Variants in ADCY9 observed in about 807,000 individuals in gnomAD.
ADCY9 encodes adenylate cyclase 9, also known as adenylate cyclase type 9.
Under a neutral mutation model 101.5 loss-of-function variants are expected in ADCY9, and 50 were observed. The observed-to-expected ratio is 0.49, with a 90% CI of 0.39 to 0.62. The LOEUF is 0.62. Ranked by LOEUF, ADCY9 falls within the 20% of genes least tolerant of loss-of-function variation. The pLI is 0.00. For missense variants in ADCY9, 1,662 were observed against 1,800.4 expected (o/e 0.92, Z 1.39); for synonymous variants, 905 against 769.3 (o/e 1.18, Z -2.92).
At chr16:3,980,031 T>C (rs772324620) in intron 7 of ADCY9, among the ~76,000 whole-genome samples, 1 of 152,254 alleles carries the variant, frequency 6.6e-6, no homozygotes, top group Non-Finnish European at 1.5e-5. Context: ...ACCTGGCTCG[T>C]GGCGCTTAGA....
intron 2 of ADCY9, among the ~76,000 whole-genome samples, chr16:4,038,844 G>A (rs2056607788): frequency 6.6e-6 from 1 of 151,808 alleles, no homozygotes; most frequent in Non-Finnish European, 1.5e-5. Flanking sequence ...CCCACTGCCT[G>A]AACCCTGAAT....
At chr16:3,959,306 G>C (rs1361967532), downstream of ADCY9, among the ~76,000 whole-genome samples, 1 of 150,662 alleles carries the variant, frequency 6.6e-6, no homozygotes, top group African/African-American at 2.5e-5. Flanking sequence ...AGGTTGCAGT[G>C]AGCTGTGATT....
At chr16:3,999,076 G>A (rs1360901901) in intron 3 of ADCY9, among the ~76,000 whole-genome samples, 1 of 152,058 alleles carries the variant, frequency 6.6e-6, no homozygotes, top group Non-Finnish European at 1.5e-5. Flanking sequence ...GCTAAACAGC[G>A]TCTCCCCCTG....
At chr16:4,043,489 C>T (rs1245342379) in intron 2 of ADCY9, among the ~76,000 whole-genome samples, 2 of 151,604 alleles carry the variant, frequency 1.3e-5, no homozygotes, top group Non-Finnish European at 2.9e-5. Context: ...GCCTGGCCAA[C>T]ATGGTGAAAC....
At chr16:4,075,296 G>A (rs1032554257) in intron 2 of ADCY9, among the ~76,000 whole-genome samples, 3 of 152,124 alleles carry the variant, frequency 2.0e-5, no homozygotes, top group African/African-American at 4.8e-5. Context: ...GTGCCACCAC[G>A]CCCAGATAAT....
At chr16:4,055,395 A>T (rs1268154003) in intron 2 of ADCY9, among the ~76,000 whole-genome samples, 1 of 152,100 alleles carries the variant, frequency 6.6e-6, no homozygotes, top group African/African-American at 2.4e-5. Flanking sequence ...TTAGCTGGGC[A>T]TAGTGGCACA....
intron 2 of ADCY9, among the ~76,000 whole-genome samples, chr16:4,023,447 G>A (rs949209300): frequency 1.1e-4 from 16 of 152,328 alleles, no homozygotes; most frequent in African/African-American, 3.4e-4. Context: ...AGGCAATTGC[G>A]GTGGTGTAGG....
At chr16:3,998,749 G>GAAAGAAA (rs2056308098) in intron 3 of ADCY9, among the ~76,000 whole-genome samples, 1 of 89,718 alleles carries the variant, frequency 1.1e-5, no homozygotes, top group Admixed American at 1.4e-4. Context: ...AAGAAAGAAA[G>GAAAGAAA]AAAGAAAAGA....
chr16:4,003,574 T>C (rs941546809), intron 3 of ADCY9, among the ~76,000 whole-genome samples: 18 of 150,240 alleles, frequency 1.2e-4, no homozygotes, highest in Middle Eastern at 3.4e-3. Flanking sequence ...TTTTTTTTTT[T>C]TTTTTTTTGA....
chr16:4,086,762 C>T (rs1166549525), intron 2 of ADCY9, among the ~76,000 whole-genome samples: 1 of 152,066 alleles, frequency 6.6e-6, no homozygotes, highest in Non-Finnish European at 1.5e-5. Context: ...TGGGTTCAAA[C>T]GATCCTCCTG....
chr16:3,956,503 T>TTTTTTTTTTTG lies in ADCY9; in HGVS notation c.568-2988_568-2987insCAAAAAAAAAA, dbSNP rs55792938. Among the ~76,000 whole-genome samples, 38 of 69,570 alleles carry TTTTTTTTTTTG rather than the reference T, an allele frequency of 5.5e-4. 5 individuals are homozygous for TTTTTTTTTTTG. The highest frequency in any genetic ancestry group is 1.5e-3 in the African/African-American group (36 of 24,762). The allele number at this position is 69,570 out of a possible 152,430, so 45.6% of individuals were successfully genotyped here. On this transcript the variant is annotated intron_variant, in intron 5 of 5. Coordinates refer to the ADCY9 transcript ENST00000576936. ...GCGCAATGAGCTTTTTTTTTTTTTT[T>TTTTTTTTTTTG]GGGGGGGGATGGAGTCTCCCTCTGT...
At chr16:4,024,380 G>A (rs770281096) in intron 2 of ADCY9, among the ~76,000 whole-genome samples, 6 of 152,054 alleles carry the variant, frequency 3.9e-5, no homozygotes, top group African/African-American at 1.2e-4. Flanking sequence ...TTACATATAC[G>A]GTACAGGGAG....
chr16:4,011,572 G>A (rs1001873531), intron 2 of ADCY9, among the ~76,000 whole-genome samples: 2 of 152,208 alleles, frequency 1.3e-5, no homozygotes, highest in Non-Finnish European at 2.9e-5. Context: ...GCAACCAAGC[G>A]TGATGGGCGA....
chr16:3,999,910 C>G (rs1239242019), intron 3 of ADCY9, among the ~76,000 whole-genome samples: 2 of 152,202 alleles, frequency 1.3e-5, no homozygotes, highest in Non-Finnish European at 1.5e-5. Flanking sequence ...GGTTATTTCT[C>G]ATCACAAGAT....
At chr16:4,101,261 G>C (rs756582877) in intron 2 of ADCY9, among the ~76,000 whole-genome samples, 3 of 148,768 alleles carry the variant, frequency 2.0e-5, no homozygotes, top group Non-Finnish European at 4.4e-5. Context: ...AGGAAGTCTA[G>C]TACAATATTT....
At chr16:3,988,937 C>T in intron 6 of ADCY9, 57 bp downstream of exon 6, 1 of 1,333,692 alleles carries the variant, frequency 7.5e-7, no homozygotes, top group Non-Finnish European at 1.1e-6. Context: ...CAGTGAATGA[C>T]CATGTGAGAA....
chr16:4,062,920 C>G (rs1208940037), intron 2 of ADCY9, among the ~76,000 whole-genome samples: 1 of 152,132 alleles, frequency 6.6e-6, no homozygotes, highest in African/African-American at 2.4e-5. Context: ...ATATCCCACT[C>G]TCAATAATTG....
chr16:3,976,993 G>C (rs1223505956), intron 9 of ADCY9, among the ~76,000 whole-genome samples: 1 of 152,120 alleles, frequency 6.6e-6, no homozygotes, highest in African/African-American at 2.4e-5. Context: ...CAGGTGACTT[G>C]CAAGATCATC....
intron 2 of ADCY9, among the ~76,000 whole-genome samples, chr16:4,113,458 G>A (rs1043621182): frequency 2.6e-5 from 4 of 152,294 alleles, no homozygotes; most frequent in South Asian, 2.1e-4. Context: ...TACATTCACC[G>A]GACGTGCCCC....
Sources: allele counts gnomAD v4.1 joint callset (sites outside exome capture counted in the v4.1 genomes callset), GRCh38; gene constraint gnomAD v4.1.1; transcripts MANE v1.5; gene names NCBI Gene and HGNC (gene_info 2026-07-23, HGNC 2026-07-21).